Variants in TUBB observed in about 807,000 individuals in gnomAD.
The protein encoded by TUBB is tubulin beta chain.
TUBB carries 2 observed loss-of-function variants against 35.1 expected under a neutral mutation model. That is an observed-to-expected ratio of 0.06 (90% CI 0.02 to 0.18). The LOEUF is 0.18. Among genes scored for constraint, TUBB ranks in the 10% least tolerant of loss-of-function variants. The probability of loss-of-function intolerance (pLI) is 1.00; values close to 1 mark genes in which losing one functional copy is unlikely to be tolerated. For synonymous variants in TUBB, 205 were observed against 223.8 expected (o/e 0.92, Z 0.75); for missense variants, 50 against 599.4 (o/e 0.08, Z 9.57).
chr6:30,721,683 T>C lies in TUBB; in HGVS notation c.58-854T>C, dbSNP rs538956648. 27 of 985,342 alleles carry C rather than the reference T, an allele frequency of 2.7e-5. 1 individual carries two copies. The South Asian group carries it at 7.5e-4, about 27-fold the overall frequency. The allele number at this position is 985,342 out of a possible 1,614,324, so 61.0% of individuals were successfully genotyped here. A position where few individuals can be genotyped will look rare whatever the true frequency, so the allele number is the denominator to read the frequency against. Reference sequence around the variant, plus strand: ...GCCGCGCGGTGGGGCGGTGCCCAGCTTGGGGGAAGGAGAGCGGCGCTTATC... The same window carrying C: ...GCCGCGCGGTGGGGCGGTGCCCAGCCTGGGGGAAGGAGAGCGGCGCTTATC... On this transcript the variant is annotated intron_variant, in intron 1 of 3. Coordinates refer to ENST00000327892, the MANE Select transcript of TUBB (RefSeq NM_178014.4).
At chr6:30,721,470 G>A in intron 1 of TUBB, 5 of 860,282 alleles carry the variant, frequency 5.8e-6, no homozygotes, top group Non-Finnish European at 7.0e-6. Flanking sequence ...ATGCGGCGTT[G>A]CCCGCCGGCA....
In TUBB at chr6:30,724,380, G is replaced by A; in HGVS notation, c.1318G>A (p.Ala440Thr). ...AEEEEDFGEE[A>T]EEEA Reference sequence around the variant, plus strand: ...AGAGGAGGAGGATTTCGGTGAGGAGGCCGAAGAGGAGGCCTAAGGCAGAGC... The same window carrying A: ...AGAGGAGGAGGATTTCGGTGAGGAGACCGAAGAGGAGGCCTAAGGCAGAGC... Residue 440 changes from alanine to threonine, a missense_variant, in exon 4 of 4, where the codon GCC becomes ACC. Coordinates refer to ENST00000327892, the MANE Select transcript of TUBB (RefSeq NM_178014.4). The surrounding 1 kb of genome is among the most constrained non-coding windows in gnomAD (Gnocchi z 4.4). 6.2e-7 allele frequency: 1 copy of A among 1,611,506 alleles called. No individual in the cohort carries two copies. Among genetic ancestry groups the A allele is most frequent in the Non-Finnish European group, 8.5e-7 (1 of 1,179,318 alleles).
intron 1 of TUBB, 73 bp downstream of exon 1, chr6:30,720,636 G>A: frequency 7.2e-7 from 1 of 1,390,452 alleles, no homozygotes; most frequent in South Asian, 1.2e-5. Flanking sequence ...AATGGTTGTG[G>A]GGCATTTGCA....
intron 3 of TUBB, 127 bp downstream of exon 3, chr6:30,723,155 A>G: frequency 1.2e-5 from 12 of 977,234 alleles, no homozygotes; most frequent in Non-Finnish European, 1.9e-5. Flanking sequence ...GTGTTCTGAA[A>G]TCTAACGGAG....
intron 1 of TUBB, chr6:30,721,508 TCG>T: frequency 1.0e-6 from 1 of 977,896 alleles, no homozygotes; most frequent in Non-Finnish European, 1.2e-6. Context: ...GCCCCGCCCC[TCG>T]CGCGCGGAAT....
intron 1 of TUBB, 121 bp downstream of exon 1, chr6:30,720,684 T>C (rs1258491120): frequency 9.6e-6 from 8 of 835,184 alleles, no homozygotes; most frequent in Non-Finnish European, 1.1e-5. Context: ...CTCTCAAGTT[T>C]GTTACATTTA....
chr6:30,725,298 T>C lies in TUBB; in HGVS notation c.*901T>C, dbSNP rs112468900. 5 of 156,582 alleles carry C rather than the reference T, an allele frequency of 3.2e-5. No individual in the cohort carries two copies. The highest frequency in any genetic ancestry group is 7.0e-5 in the Non-Finnish European group (5 of 71,346). 9.7% of individuals were successfully genotyped at this position (156,582 alleles called of 1,614,324 possible). On this transcript the variant is annotated 3_prime_UTR_variant, in exon 4 of 4. Coordinates refer to ENST00000327892, the MANE Select transcript of TUBB (RefSeq NM_178014.4). Reference sequence around the variant, plus strand: ...CTTCCTTTTGCTGTTGCTTCCCCCCTCACACACTTGGTTTTGTTCTATCCT... The same window carrying C: ...CTTCCTTTTGCTGTTGCTTCCCCCCCCACACACTTGGTTTTGTTCTATCCT...
At position 30,720,438 on chromosome 6, in the gene TUBB, AG is replaced by A. The variant is rs1776138896; in HGVS notation, c.-68del. ...CAACCTTCCAGCCTGCGACCTGCGG[AG>A]AAAAAAAATTACTTATTTTCTTGCC... On this transcript the variant is annotated 5_prime_UTR_variant, in exon 1 of 4. Transcript: ENST00000327892. 6.6e-7 allele frequency: 1 copy of A among 1,525,564 alleles called. No homozygotes were observed. Among genetic ancestry groups the A allele is most frequent in the Non-Finnish European group, 9.1e-7 (1 of 1,100,264 alleles). The allele number at this position is 1,525,564 out of a possible 1,614,324, so 94.5% of individuals were successfully genotyped here.
chr6:30,721,961 C>T (rs894199593), intron 1 of TUBB: 61 of 903,812 alleles, frequency 6.7e-5, no homozygotes, highest in Middle Eastern at 1.1e-3. Context: ...CAAAGCGAGA[C>T]CCTCCCCCAT....
At chr6:30,723,083 G>T in intron 3 of TUBB, 55 bp downstream of exon 3, 1 of 1,427,624 alleles carries the variant, frequency 7.0e-7, no homozygotes, top group South Asian at 1.2e-5. Context: ...CAACTTATTT[G>T]GGTGCAAGGA....
chr6:30,721,968 C>G (rs1021400375), intron 1 of TUBB: 2 of 870,216 alleles, frequency 2.3e-6, no homozygotes, highest in Non-Finnish European at 2.8e-6. Context: ...AGACCCTCCC[C>G]CATGCCACGT....
At chr6:30,722,767 T>A in intron 2 of TUBB, 122 bp downstream of exon 2, 1 of 1,140,276 alleles carries the variant, frequency 8.8e-7, no homozygotes. Flanking sequence ...GTCCCTTTCG[T>A]GAACCACCGT....
At chr6:30,721,846 T>C in intron 1 of TUBB, 3 of 985,304 alleles carry the variant, frequency 3.0e-6, no homozygotes, top group Non-Finnish European at 3.6e-6. Flanking sequence ...TGCCATGCCC[T>C]AGAACAACGG....
At chr6:30,721,604 G>A (rs1366572561) in intron 1 of TUBB, 7 of 985,304 alleles carry the variant, frequency 7.1e-6, no homozygotes, top group Non-Finnish European at 7.2e-6. Context: ...GGAGGGCGGG[G>A]GGGGTGGTCG....
chr6:30,720,712 G>C, intron 1 of TUBB, 149 bp downstream of exon 1: 1 of 687,798 alleles, frequency 1.5e-6, no homozygotes, highest in South Asian at 2.0e-5. Flanking sequence ...AACAATTGTA[G>C]CTAGCATTTG....
At chr6:30,722,041 T>TC in intron 1 of TUBB, 1 of 308,358 alleles carries the variant, frequency 3.2e-6, no homozygotes, top group Non-Finnish European at 4.8e-6. Context: ...TGGTCCCAGC[T>TC]ACTCGAGAGG....
At chr6:30,720,656 C>G (rs1159136081) in intron 1 of TUBB, 93 bp downstream of exon 1, 11 of 1,106,256 alleles carry the variant, frequency 9.9e-6, no homozygotes, top group African/African-American at 9.6e-5. Flanking sequence ...ACCCGCTATC[C>G]TTAATCAAGA....
In TUBB at chr6:30,720,432, C is replaced by T; in HGVS notation, c.-75C>T. 1 of 1,484,600 alleles carries T rather than the reference C, an allele frequency of 6.7e-7. No individual in the cohort carries two copies. Among genetic ancestry groups the T allele is most frequent in the Non-Finnish European group, 9.4e-7 (1 of 1,063,990 alleles). 92.0% of individuals were successfully genotyped at this position (1,484,600 alleles called of 1,614,324 possible). ...GCATTCCAACCTTCCAGCCTGCGACCTGCGGAGAAAAAAAATTACTTATTT... is the reference window on the plus strand; with the variant it reads ...GCATTCCAACCTTCCAGCCTGCGACTTGCGGAGAAAAAAAATTACTTATTT... On this transcript the variant is annotated 5_prime_UTR_variant, in exon 1 of 4. Coordinates refer to ENST00000327892, the MANE Select transcript of TUBB (RefSeq NM_178014.4).
intron 3 of TUBB, 41 bp from the exon 4 acceptor site, chr6:30,723,299 C>T (rs1776419573): frequency 6.8e-7 from 1 of 1,472,544 alleles, no homozygotes; most frequent in Non-Finnish European, 9.3e-7. Context: ...ATGTATCTTC[C>T]ATACCCTGTT....
Sources: allele counts gnomAD v4.1 joint callset, GRCh38; gene constraint gnomAD v4.1.1; non-coding constraint Gnocchi (gnomAD v3.1); transcripts MANE v1.5; gene names NCBI Gene and HGNC (gene_info 2026-07-23, HGNC 2026-07-21).